The following ABCC8 variants were observed in gnomAD, a reference collection of about 807,000 sequenced individuals.
ABCC8 encodes ATP binding cassette subfamily C member 8.
Under a neutral mutation model 188.0 loss-of-function variants are expected in ABCC8, and 137 were observed. The observed-to-expected ratio is 0.73, with a 90% CI of 0.63 to 0.84. The LOEUF is 0.84. Ranked by LOEUF, ABCC8 falls within the 40% of genes least tolerant of loss-of-function variation. The pLI, the probability that ABCC8 is intolerant of heterozygous loss-of-function variation, is 0.00. For synonymous variants in ABCC8, 797 were observed against 846.5 expected (o/e 0.94, Z 1.01); for missense variants, 1,750 against 2,072.7 (o/e 0.84, Z 3.02).
rs34427289 is a variant in ABCC8 at position 17,474,544 on chromosome 11, A to ATT, written c.290+340_290+341dup. Reference sequence around the variant, plus strand: ...ATGCAAGAGTGGGTGGCATGGTTAGATTTTTTTTTTTTTCCAAGAAGGTAA... The same window carrying ATT: ...ATGCAAGAGTGGGTGGCATGGTTAGATTTTTTTTTTTTTTTCCAAGAAGGTAA... On this transcript the variant is annotated intron_variant, in intron 2 of 38. Coordinates refer to ENST00000389817, the MANE Select transcript of ABCC8 (RefSeq NM_000352.6). 2.8e-3 allele frequency among the ~76,000 whole-genome samples: 413 copies of ATT among 148,156 alleles called. 1 individual carries two copies. The highest frequency in any genetic ancestry group is 9.5e-3 in the East Asian group (48 of 5,042).
chr11:17,476,514 G>A, intron 1 of ABCC8, 115 bp downstream of exon 1: 2 of 1,335,282 alleles, frequency 1.5e-6, no homozygotes, highest in Non-Finnish European at 2.1e-6. Flanking sequence ...CCCCGGGAAC[G>A]AGGCGGACGG....
chr11:17,442,671 T>G, intron 10 of ABCC8, 49 bp downstream of exon 10: 1 of 1,588,522 alleles, frequency 6.3e-7, no homozygotes, highest in Non-Finnish European at 8.6e-7. Context: ...CACCCTCTCC[T>G]TGCATGTACG....
chr11:17,395,544 T>G (rs1268362283), intron 35 of ABCC8, 66 bp downstream of exon 35: 20 of 1,529,828 alleles, frequency 1.3e-5, no homozygotes, highest in Non-Finnish European at 1.8e-5. Flanking sequence ...CTCCTCTTTG[T>G]GCTCCAGATC....
Position 17,416,973 on chromosome 11 carries a change from A to G in ABCC8, c.2223-11T>C, listed in dbSNP as rs1955109760. 6.2e-7 allele frequency: 1 copy of G among 1,613,954 alleles called. No individual in the cohort carries two copies. The highest frequency in any genetic ancestry group is 1.3e-5 in the African/African-American group (1 of 74,966). On this transcript the variant is annotated splice_polypyrimidine_tract_variant and intron_variant, in intron 16 of 38. Transcript: ENST00000389817. ...TCGCTGTCAGGAAGGCTGCTGGGAC[A>G]CAAATGGGACAGACCAACACCAGTT...
intron 31 of ABCC8, 45 bp downstream of exon 31, chr11:17,397,639 T>C: frequency 6.3e-7 from 1 of 1,594,336 alleles, no homozygotes; most frequent in Non-Finnish European, 8.5e-7. Flanking sequence ...GCTCCGGGAG[T>C]GCTGGTGTCT....
chr11:17,459,505 T>C (rs1406557649), intron 6 of ABCC8, among the ~76,000 whole-genome samples: 2 of 152,210 alleles, frequency 1.3e-5, no homozygotes, highest in Non-Finnish European at 2.9e-5. Context: ...CTCCTGAGGA[T>C]TAACTGCTGG....
intron 29 of ABCC8, 68 bp from the exon 30 acceptor site, chr11:17,398,509 C>A (rs1457562125): frequency 8.1e-6 from 13 of 1,599,826 alleles, no homozygotes; most frequent in African/African-American, 1.3e-5. Context: ...AGTCTCCCTA[C>A]CTGCAGAGGG....
At chr11:17,420,867 T>C (rs1564913834) in intron 16 of ABCC8, among the ~76,000 whole-genome samples, 2 of 152,216 alleles carry the variant, frequency 1.3e-5, no homozygotes, top group Non-Finnish European at 2.9e-5. Flanking sequence ...TACCAAAACA[T>C]TTTCCTCTTA....
chr11:17,442,570 T>C (rs1400182583), intron 10 of ABCC8, 150 bp downstream of exon 10: 2 of 776,188 alleles, frequency 2.6e-6, no homozygotes, highest in Non-Finnish European at 2.2e-6. Flanking sequence ...GGAGCTTAGC[T>C]ATCAGAGCCA....
chr11:17,460,598 G>A lies in ABCC8; in HGVS notation c.901C>T (p.Leu301Phe). The A allele has an allele frequency of 6.2e-7, 1 of 1,613,494 alleles. No individual in the cohort carries two copies. ...GCCAAGATGCGGAAAGTGCTGCTGA[G>A]GACCAGGCGCCTCCCGAAGGCATGG... The part of the protein sequence containing the change: ...LSHAFGRRLV[L>F]SSTFRILADL... The change falls in exon 6 of 39, where the codon CTC (leucine) becomes TTC (phenylalanine). Residue 301 changes from leucine to phenylalanine, a missense_variant. Transcript: ENST00000389817.
At chr11:17,460,702 C>T in intron 5 of ABCC8, 26 bp from the exon 6 acceptor site, 1 of 1,603,288 alleles carries the variant, frequency 6.2e-7, no homozygotes, top group Non-Finnish European at 8.5e-7. Context: ...ATGGCCAGGT[C>T]AGAGTGCCTG....
intron 2 of ABCC8, among the ~76,000 whole-genome samples, chr11:17,471,467 A>T (rs1474676504): frequency 6.6e-6 from 1 of 152,172 alleles, no homozygotes; most frequent in Non-Finnish European, 1.5e-5. Flanking sequence ...GCTGTCCACC[A>T]AAGAGTATCT....
At chr11:17,437,699 T>A (rs886318820) in intron 10 of ABCC8, among the ~76,000 whole-genome samples, 1 of 152,182 alleles carries the variant, frequency 6.6e-6, no homozygotes, top group African/African-American at 2.4e-5. Flanking sequence ...CCTTAATTGA[T>A]GGGTGCCCCG....
chr11:17,396,304 C>T (rs1953924783), intron 33 of ABCC8: 12 of 389,940 alleles, frequency 3.1e-5, no homozygotes, highest in South Asian at 2.8e-4. Flanking sequence ...TGTCTGTGTG[C>T]CCCGCCCTAC....
intron 7 of ABCC8, among the ~76,000 whole-genome samples, chr11:17,450,677 A>T (rs56213202): frequency 2.4e-5 from 3 of 127,444 alleles, no homozygotes; most frequent in East Asian, 4.6e-4. Context: ...GATTACAGGC[A>T]TGAGCCACTT....
At chr11:17,470,017 T>G in intron 3 of ABCC8, 84 bp downstream of exon 3, 1 of 1,532,544 alleles carries the variant, frequency 6.5e-7, no homozygotes, top group South Asian at 1.1e-5. Flanking sequence ...TTTAGAGCAA[T>G]AGCTGGCACA....
chr11:17,447,388 A>G (rs543474256), intron 8 of ABCC8, among the ~76,000 whole-genome samples: 1 of 152,244 alleles, frequency 6.6e-6, no homozygotes, highest in Non-Finnish European at 1.5e-5. Flanking sequence ...CCAGCACCAA[A>G]GGTTGTCTTG....
chr11:17,430,649 T>C (rs1955803416), intron 12 of ABCC8, 165 bp downstream of exon 12: 9 of 822,630 alleles, frequency 1.1e-5, no homozygotes, highest in South Asian at 2.7e-5. Context: ...TGGGAAACCA[T>C]ACAGGCCAAT....
chr11:17,450,249 T>C (rs1327077893), intron 7 of ABCC8, among the ~76,000 whole-genome samples: 1 of 52,318 alleles, frequency 1.9e-5, no homozygotes, highest in East Asian at 2.8e-4. Context: ...TTTCTTTTTC[T>C]TTCTTTCTTT....
Sources: gnomAD v4.1 joint callset for allele counts (sites outside exome capture counted in the v4.1 genomes callset) on GRCh38, gnomAD v4.1.1 for gene constraint, MANE v1.5 for transcripts, NCBI Gene and HGNC (gene_info 2026-07-23, HGNC 2026-07-21) for gene names.